GINS1: variants seen among roughly 807,000 people sequenced by gnomAD.
GINS1 encodes the protein DNA replication complex GINS protein PSF1.
Under a neutral mutation model 34.9 loss-of-function variants are expected in GINS1, and 26 were observed. The ratio of observed to expected loss-of-function variants is 0.74; its 90% CI spans 0.55 to 1.03. GINS1 has a LOEUF of 1.03. Among genes scored for constraint, GINS1 ranks in the 50% least tolerant of loss-of-function variants. GINS1 has a pLI of 0.00. For missense variants in GINS1, 235 were observed against 237.9 expected (o/e 0.99, Z 0.08); for synonymous variants, 97 against 84.4 (o/e 1.15, Z -0.82).
intron 4 of GINS1, among the ~76,000 whole-genome samples, chr20:25,423,452 C>CTTTTTTTTTTTTG (rs2090369607): frequency 3.3e-5 from 1 of 29,992 alleles, no homozygotes; most frequent in Non-Finnish European, 5.8e-5. Context: ...TTTTTCTTTT[C>CTTTTTTTTTTTTG]TTTTTTTTTT....
At chr20:25,428,647 G>A (rs1010982402) in intron 5 of GINS1, among the ~76,000 whole-genome samples, 16 of 150,760 alleles carry the variant, frequency 1.1e-4, no homozygotes, top group East Asian at 2.0e-4. Flanking sequence ...CTTGTGATCC[G>A]CCCACCTCGG....
chr20:25,426,126 CTTTT>C (rs141236378), intron 5 of GINS1, among the ~76,000 whole-genome samples: 10,235 of 152,182 alleles, frequency 0.067, 404 homozygotes, highest in Non-Finnish European at 0.095. Flanking sequence ...TAGTATTTGT[CTTTT>C]TGTTTTCTTT....
chr20:25,442,766 C>A (rs1022037079), intron 6 of GINS1, among the ~76,000 whole-genome samples: 1 of 151,880 alleles, frequency 6.6e-6, no homozygotes, highest in African/African-American at 2.4e-5. Flanking sequence ...GCCACTACAC[C>A]CAGTTAATTT....
intron 1 of GINS1, among the ~76,000 whole-genome samples, chr20:25,412,116 C>T (rs2090289577): frequency 2.0e-5 from 3 of 151,682 alleles, no homozygotes; most frequent in Middle Eastern, 6.8e-3. Context: ...TCAACAACAA[C>T]GAAAAAAATC....
In GINS1 at chr20:25,407,713, C is replaced by G; in HGVS notation, c.-108C>G. On this transcript the variant is annotated 5_prime_UTR_variant, in exon 1 of 7. Transcript: ENST00000262460. Reference sequence around the variant, plus strand: ...GCGGAGCGGAGGCCGAGGCGAGAGCCTGGCGCTGTAGGACTAGAACGAAAG... The same window carrying G: ...GCGGAGCGGAGGCCGAGGCGAGAGCGTGGCGCTGTAGGACTAGAACGAAAG... 1.2e-6 allele frequency: 1 copy of G among 865,546 alleles called. No homozygotes were observed. 53.6% of individuals were successfully genotyped at this position (865,546 alleles called of 1,614,324 possible).
intron 4 of GINS1, among the ~76,000 whole-genome samples, chr20:25,424,254 G>C (rs990880612): frequency 6.6e-6 from 1 of 152,052 alleles, no homozygotes; most frequent in African/African-American, 2.4e-5. Context: ...TCTTTTTTGA[G>C]AGCATTTCAA....
chr20:25,422,982 G>A (rs2090365768), intron 4 of GINS1, among the ~76,000 whole-genome samples: 1 of 151,966 alleles, frequency 6.6e-6, no homozygotes, highest in African/African-American at 2.4e-5. Context: ...TCTCCATGTT[G>A]GTCAGGCTGG....
chr20:25,430,299 T>A (rs796982091), intron 5 of GINS1, among the ~76,000 whole-genome samples: 15 of 152,364 alleles, frequency 9.8e-5, no homozygotes, highest in African/African-American at 3.4e-4. Flanking sequence ...TTATCTTCTG[T>A]TCCTAGTTTG....
At chr20:25,423,452 C>CTTTTTTTTTTTTTTTTTTTT (rs1159340467) in intron 4 of GINS1, among the ~76,000 whole-genome samples, 1 of 29,990 alleles carries the variant, frequency 3.3e-5, no homozygotes, top group African/African-American at 1.2e-4. Flanking sequence ...TTTTTCTTTT[C>CTTTTTTTTTTTTTTTTTTTT]TTTTTTTTTT....
intron 4 of GINS1, among the ~76,000 whole-genome samples, chr20:25,423,124 G>A (rs1283192056): frequency 1.4e-5 from 2 of 140,448 alleles, no homozygotes; most frequent in African/African-American, 5.4e-5. Context: ...TTTTTTTTTT[G>A]TTTTTTTTGA....
chr20:25,420,843 T>C (rs1453111147), intron 4 of GINS1: 2 of 974,584 alleles, frequency 2.1e-6, no homozygotes, highest in Non-Finnish European at 2.4e-6. Context: ...CTCGTTCTCT[T>C]AGTAGTGATG....
intron 3 of GINS1, among the ~76,000 whole-genome samples, chr20:25,417,626 C>T (rs927807009): frequency 3.3e-5 from 5 of 152,006 alleles, no homozygotes; most frequent in South Asian, 4.1e-4. Context: ...GAGGCCAAGG[C>T]GGGTGGATCA....
intron 2 of GINS1, among the ~76,000 whole-genome samples, chr20:25,416,749 T>A (rs74921881): frequency 0.045 from 6,895 of 152,252 alleles, 172 homozygotes; most frequent in Middle Eastern, 0.11. Context: ...GACCATAACC[T>A]CATGTCCATC....
intron 1 of GINS1, chr20:25,413,551 G>A: frequency 4.3e-6 from 2 of 465,552 alleles, no homozygotes; most frequent in Non-Finnish European, 7.6e-6. Context: ...AGCTTTTGAG[G>A]AACTGTCAAG....
chr20:25,423,353 A>T lies in GINS1; in HGVS notation c.331-1858A>T, dbSNP rs1025782871. Among the ~76,000 whole-genome samples the T allele has an allele frequency of 4.7e-5, 7 of 148,358 alleles. No individual in the cohort carries two copies. In the Admixed American group the frequency reaches 4.7e-4, roughly 10 times the overall value. On this transcript the variant is annotated intron_variant, in intron 4 of 6. Coordinates refer to ENST00000262460, the MANE Select transcript of GINS1 (RefSeq NM_021067.5). ...GGTCTTGAACTCCTGGCCTCAAGAG[A>T]TATGCCCACCTTGGTCTCCCAAAGC...
intron 2 of GINS1, among the ~76,000 whole-genome samples, chr20:25,414,515 T>C (rs1403184718): frequency 6.6e-6 from 1 of 152,068 alleles, no homozygotes; most frequent in African/African-American, 2.4e-5. Context: ...AGCCTGGACA[T>C]ATAGCAGGAC....
At chr20:25,429,257 C>T (rs1276221494) in intron 5 of GINS1, among the ~76,000 whole-genome samples, 4 of 151,822 alleles carry the variant, frequency 2.6e-5, no homozygotes, top group South Asian at 2.1e-4. Flanking sequence ...CCCAGAGTGC[C>T]GGATTACAGG....
At chr20:25,409,655 AATT>A (rs1356899657) in intron 1 of GINS1, among the ~76,000 whole-genome samples, 3 of 152,336 alleles carry the variant, frequency 2.0e-5, no homozygotes, top group Admixed American at 6.5e-5. Context: ...AGCTGACACA[AATT>A]ATGGGTCAAG....
intron 5 of GINS1, among the ~76,000 whole-genome samples, chr20:25,431,511 CTTCT>C (rs1230044194): frequency 6.7e-6 from 1 of 150,198 alleles, no homozygotes; most frequent in Non-Finnish European, 1.5e-5. Context: ...TGAAATTTGT[CTTCT>C]TTCGTTTTTG....
Sources: gnomAD v4.1 joint callset for allele counts (sites outside exome capture counted in the v4.1 genomes callset) on GRCh38, gnomAD v4.1.1 for gene constraint, MANE v1.5 for transcripts, NCBI Gene and HGNC (gene_info 2026-07-23, HGNC 2026-07-21) for gene names.